MZT2B: variants seen among roughly 807,000 people sequenced by gnomAD.
MZT2B encodes the protein mitotic-spindle organizing protein 2B.
Under a neutral mutation model 12.1 loss-of-function variants are expected in MZT2B, and 11 were observed. The ratio of observed to expected loss-of-function variants is 0.91; its 90% CI spans 0.57 to 1.50. The LOEUF (loss-of-function observed/expected upper bound fraction) is 1.50, where lower values mean the gene tolerates loss of function less well. MZT2B is among the 40% of genes most tolerant of loss of function. The pLI is 0.00. For missense variants in MZT2B, 209 were observed against 227.7 expected, an observed-to-expected ratio of 0.92 and a Z score of 0.53; for synonymous variants, 85 against 109.5, an observed-to-expected ratio of 0.78 and a Z score of 1.40.
chr2:130,190,547 G>A lies in MZT2B; in HGVS notation c.398G>A (p.Arg133Lys). ...AGCAGCCGCGAAGGATCCAGCCAGA[G>A]GATGCCACGCCAGCCCAGCGCTACC... is the stretch of plus-strand genomic sequence containing the variant. ...ERSSREGSSQ[R>K]MPRQPSATRL... The change falls in exon 3 of 3, where the codon AGG becomes AAG. Residue 133 changes from arginine (R) to lysine (K), a missense_variant. Coordinates refer to ENST00000281871, the MANE Select transcript of MZT2B (RefSeq NM_025029.5). 6.2e-7 allele frequency: 1 copy of A among 1,613,884 alleles called. No homozygotes were observed. Among genetic ancestry groups the A allele is most frequent in the Non-Finnish European group, 8.5e-7 (1 of 1,180,010 alleles).
the MZT2B span, among the ~76,000 whole-genome samples, chr2:130,197,359 C>T: frequency 7.7e-6 from 1 of 129,234 alleles, no homozygotes; most frequent in Non-Finnish European, 1.7e-5. Flanking sequence ...TGGTGGCACA[C>T]ACCTGTAGTA....
chr2:130,201,419 C>T, the MZT2B span, among the ~76,000 whole-genome samples: 23 of 152,194 alleles, frequency 1.5e-4, no homozygotes, highest in Non-Finnish European at 3.1e-4. Context: ...CTCACCATGT[C>T]CTCCCACGGG....
chr2:130,184,079 GC>G, intron 2 of MZT2B: 1 of 1,547,222 alleles, frequency 6.5e-7, no homozygotes, highest in Non-Finnish European at 8.7e-7. Context: ...GACCATGCAG[GC>G]CATCGCTGCC....
downstream of MZT2B, among the ~76,000 whole-genome samples, chr2:130,195,449 T>C (rs7419565): frequency 0.41 from 62,068 of 152,170 alleles, 12,862 homozygotes; most frequent in Admixed American, 0.48. Flanking sequence ...GCTTGTGGTA[T>C]AAATGTCAGC....
chr2:130,201,441 C>T, the MZT2B span, among the ~76,000 whole-genome samples: 1 of 152,194 alleles, frequency 6.6e-6, no homozygotes, highest in African/African-American at 2.4e-5. Flanking sequence ...AGGTAGCATC[C>T]AAGCGCTCTG....
At chr2:130,182,075 G>A, upstream of MZT2B, 2 of 1,349,190 alleles carry the variant, frequency 1.5e-6, no homozygotes, top group Non-Finnish European at 1.9e-6. Flanking sequence ...TGCCACTCCC[G>A]GCTCCTAGAG....
chr2:130,192,533 A>T (rs1690292055), downstream of MZT2B, among the ~76,000 whole-genome samples: 1 of 152,228 alleles, frequency 6.6e-6, no homozygotes, highest in African/African-American at 2.4e-5. Flanking sequence ...CACAAGGAAC[A>T]TCATACCCAC....
intron 2 of MZT2B, among the ~76,000 whole-genome samples, chr2:130,189,275 G>A (rs1196970013): frequency 6.6e-6 from 1 of 152,112 alleles, no homozygotes; most frequent in Non-Finnish European, 1.5e-5. Context: ...AAGGAATTTG[G>A]CTGGGGTGGG....
chr2:130,199,422 C>A, the MZT2B span, among the ~76,000 whole-genome samples: 1 of 120,968 alleles, frequency 8.3e-6, no homozygotes, highest in Non-Finnish European at 1.8e-5. Context: ...TGGTGGCATG[C>A]GCCTGTAATC....
the MZT2B span, among the ~76,000 whole-genome samples, chr2:130,203,319 A>G: frequency 0.11 from 15,869 of 145,938 alleles, no homozygotes; most frequent in African/African-American, 0.34. Flanking sequence ...ACACAGTCAC[A>G]GTGACTCTGA....
the MZT2B span, among the ~76,000 whole-genome samples, chr2:130,197,844 G>C: frequency 4.8e-5 from 6 of 124,628 alleles, 3 homozygotes; most frequent in Admixed American, 1.8e-4. Context: ...CAGACATCAG[G>C]GGATCCGCCC....
downstream of MZT2B, chr2:130,191,789 C>A: frequency 1.3e-6 from 2 of 1,578,716 alleles, no homozygotes. Flanking sequence ...TTGAAAGCAG[C>A]CATCCTAGGG....
At chr2:130,183,130 G>C (rs1374488484) in intron 2 of MZT2B, 4 of 415,028 alleles carry the variant, frequency 9.6e-6, no homozygotes, top group Admixed American at 4.2e-5. Context: ...TGGGACCCCA[G>C]GGCGGGAGGA....
chr2:130,204,726 T>C, the MZT2B span, among the ~76,000 whole-genome samples: 18 of 150,432 alleles, frequency 1.2e-4, no homozygotes, highest in Non-Finnish European at 2.5e-4. Flanking sequence ...GAGGAAGCTA[T>C]TTAGATATTT....
chr2:130,199,902 C>T, the MZT2B span, among the ~76,000 whole-genome samples: 1 of 151,830 alleles, frequency 6.6e-6, no homozygotes, highest in Non-Finnish European at 1.5e-5. Context: ...TCGAGACCAG[C>T]CTGGCCAACA....
the MZT2B span, chr2:130,196,086 G>C: frequency 2.1e-6 from 3 of 1,438,614 alleles, no homozygotes; most frequent in South Asian, 4.0e-5. Context: ...GAGCCCACAC[G>C]GGGCTTTACC....
At chr2:130,188,479 A>G (rs79683409) in intron 2 of MZT2B, among the ~76,000 whole-genome samples, 5,542 of 152,160 alleles carry the variant, frequency 0.036, 185 homozygotes, top group East Asian at 0.18. Context: ...CGTGGTGGCT[A>G]TTGTCTGCTT....
intron 2 of MZT2B, among the ~76,000 whole-genome samples, chr2:130,186,162 G>A (rs1275476404): frequency 2.0e-5 from 3 of 152,044 alleles, no homozygotes; most frequent in Non-Finnish European, 2.9e-5. Flanking sequence ...GGAGTGATCC[G>A]GCTGGGGGGC....
At chr2:130,201,045 C>T in the MZT2B span, among the ~76,000 whole-genome samples, 2 of 152,256 alleles carry the variant, frequency 1.3e-5, no homozygotes, top group Non-Finnish European at 2.9e-5. Context: ...TTAACTTTCC[C>T]TCCTGAGAGG....
Sources: gnomAD v4.1 joint callset for allele counts (sites outside exome capture counted in the v4.1 genomes callset) on GRCh38, gnomAD v4.1.1 for gene constraint, MANE v1.5 for transcripts, NCBI Gene and HGNC (gene_info 2026-07-23, HGNC 2026-07-21) for gene names.